The following SETD1A variants were observed in gnomAD, a reference collection of about 807,000 sequenced individuals.
SETD1A encodes the protein histone-lysine N-methyltransferase SETD1A.
Under a neutral mutation model 149.9 loss-of-function variants are expected in SETD1A, and 29 were observed. The observed-to-expected ratio is 0.19, with a 90% CI of 0.14 to 0.26. The LOEUF (loss-of-function observed/expected upper bound fraction) is 0.26. Among genes scored for constraint, SETD1A ranks in the 10% least tolerant of loss-of-function variants. SETD1A has a pLI of 1.00. For synonymous variants in SETD1A, 1,141 were observed against 968.5 expected (o/e 1.18, Z -3.31); for missense variants, 2,109 against 2,353.1 (o/e 0.90, Z 2.15).
Position 30,980,528 on chromosome 16 carries a change from T to C in SETD1A, c.4452T>C (p.Asp1484=), listed in dbSNP as rs1318090692. Reference sequence around the variant, plus strand: ...CAAAACGCAAGCGGCGGCCCCAGGATGGGCCCCGGGAGCACCAGACAGGCT... The same window carrying C: ...CAAAACGCAAGCGGCGGCCCCAGGACGGGCCCCGGGAGCACCAGACAGGCT... ...TTPKRKRRPQ[D]GPREHQTGSA... is the part of the protein sequence containing the mutation. The change falls in exon 15 of 19, where the codon GAT becomes GAC. Residue 1484 remains aspartate, a synonymous_variant. Transcript: ENST00000262519. The surrounding 1 kb of genome is among the most constrained non-coding windows in gnomAD (Gnocchi z 7.7). 1.2e-6 allele frequency: 2 copies of C among 1,614,120 alleles called. No individual in the cohort carries two copies. Among genetic ancestry groups the C allele is most frequent in the African/African-American group, 2.7e-5 (2 of 75,058 alleles).
In SETD1A at chr16:30,980,132, G is replaced by T; in HGVS notation, c.4346G>T (p.Arg1449Leu). The change falls in exon 14 of 19, where the codon CGG becomes CTG. Residue 1449 changes from arginine to leucine, a missense_variant. Around this residue, in one of 8 missense-constraint regions of SETD1A, gnomAD observed 254 missense variants for 409.3 expected, o/e 0.62. Transcript: ENST00000262519. The surrounding 1 kb of genome is among the most constrained non-coding windows in gnomAD (Gnocchi z 7.7). ...AGTTACCTGCGGCTTACGTACGAGC[G>T]GCTGCTGCAGCAGACAAGCGGGGCT... Reference protein sequence around the residue: ...DMSYLRLTYERLLQQTSGADW... With the variant: ...DMSYLRLTYELLLQQTSGADW... The T allele has an allele frequency of 1.9e-6, 3 of 1,611,804 alleles. No homozygotes were observed. Among genetic ancestry groups the T allele is most frequent in the South Asian group, 1.1e-5 (1 of 90,854 alleles).
In SETD1A at chr16:30,980,862, T is replaced by C; in HGVS notation, c.4692+13T>C. 3 of 485,732 alleles carry C rather than the reference T, an allele frequency of 6.2e-6. No homozygotes were observed. Among genetic ancestry groups the C allele is most frequent in the Non-Finnish European group, 1.0e-5 (3 of 294,438 alleles). 30.1% of individuals were successfully genotyped at this position (485,732 alleles called of 1,614,324 possible). A position where few individuals can be genotyped will look rare whatever the true frequency, so the allele number is the denominator to read the frequency against. ...CAACCAGCTCAAGGTGAGGCTGGGC[T>C]GCAGGAGGGGCTGGGTGGGGTGGGG... On this transcript the variant is annotated intron_variant, in intron 16 of 18. Coordinates refer to ENST00000262519, the MANE Select transcript of SETD1A (RefSeq NM_014712.3). This position sits in a 1 kb window ranked among gnomAD's most constrained non-coding sequence, Gnocchi z 7.7.
rs771009141 is a variant in SETD1A at position 30,971,481 on chromosome 16, C to T, written c.3120C>T (p.Ser1040=). ...TSDSESSSSS[S]SSSSSSSSSS... is the part of the protein sequence containing the mutation. ...ACTCCGAGAGCAGCAGCTCTTCCAGCTCCTCATCCTCCTCCTCCTCCTCGT... is the reference window on the plus strand; with the variant it reads ...ACTCCGAGAGCAGCAGCTCTTCCAGTTCCTCATCCTCCTCCTCCTCCTCGT... The change falls in exon 13 of 19, where the codon AGC becomes AGT. Residue 1040 remains serine, a synonymous_variant. Coordinates refer to ENST00000262519, the MANE Select transcript of SETD1A (RefSeq NM_014712.3). The T allele has an allele frequency of 4.3e-6, 7 of 1,614,016 alleles. No individual in the cohort carries two copies. The highest frequency in any genetic ancestry group is 5.9e-6 in the Non-Finnish European group (7 of 1,179,958).
Position 30,966,032 on chromosome 16 carries a change from G to A in SETD1A, c.2151G>A (p.Pro717=), listed in dbSNP as rs201096560. 1.5e-5 allele frequency: 24 copies of A among 1,562,790 alleles called. No homozygotes were observed. Among genetic ancestry groups the A allele is most frequent in the Non-Finnish European group, 1.8e-5 (21 of 1,154,606 alleles). The change falls in exon 8 of 19, where the codon CCG becomes CCA. Residue 717 remains proline, a synonymous_variant. Coordinates refer to ENST00000262519, the MANE Select transcript of SETD1A (RefSeq NM_014712.3). ...PGGAFGEAFL[P]FPPPQEAAYG... is the part of the protein sequence containing the mutation. The stretch of plus-strand genomic sequence containing the variant: ...GGGCCTTTGGGGAGGCCTTCCTCCC[G>A]TTTCCACCCCCGCAGGAGGCAGCCT...
rs1225071650 is a variant in SETD1A, at chr16:30,980,002, C to T, written c.4216C>T (p.Pro1406Ser). 6.7e-7 allele frequency: 1 copy of T among 1,484,382 alleles called. No individual in the cohort carries two copies. The highest frequency in any genetic ancestry group is 8.9e-7 in the Non-Finnish European group (1 of 1,122,260). The allele number at this position is 1,484,382 out of a possible 1,614,324, so 92.0% of individuals were successfully genotyped here. A position where few individuals can be genotyped will look rare whatever the true frequency, so the allele number is the denominator to read the frequency against. ...SHARRRRPPP[P>S]PPPPPPRAYE... The stretch of plus-strand genomic sequence containing the variant: ...CGCCCGGCGCCGCCGCCCTCCGCCC[C>T]CACCCCCGCCGCCACCGCCCCGCGC... Residue 1406 changes from proline to serine, a missense_variant, in exon 14 of 19, where the codon CCA (proline) becomes TCA (serine). Pro to Ser is a moderately conservative substitution (Grantham distance 74, BLOSUM62 -1). Coordinates refer to ENST00000262519, the MANE Select transcript of SETD1A (RefSeq NM_014712.3). This position sits in a 1 kb window ranked among gnomAD's most constrained non-coding sequence, Gnocchi z 7.7.
rs779287242 is a variant in SETD1A at position 30,969,476 on chromosome 16, C to T, written c.2928+14C>T. The T allele has an allele frequency of 2.4e-5, 38 of 1,602,986 alleles. No individual in the cohort carries two copies. The highest frequency in any genetic ancestry group is 4.5e-5 in the East Asian group (2 of 44,412). ...TCCTCGGAGAAGGTGAGGGCCCGGG[C>T]GCCGGCTCCTGGCCGAAGCCTACTT... On this transcript the variant is annotated intron_variant, in intron 11 of 18. Transcript: ENST00000262519.
Position 30,983,931 on chromosome 16 carries a change from G to C in SETD1A, c.5032G>C (p.Glu1678Gln), listed in dbSNP as rs779819286. 6.2e-7 allele frequency: 1 copy of C among 1,613,990 alleles called. No homozygotes were observed. The highest frequency in any genetic ancestry group is 8.5e-7 in the Non-Finnish European group (1 of 1,179,938). The change falls in exon 19 of 19, where the codon GAG (glutamate) becomes CAG (glutamine). Residue 1678 changes from glutamate (E) to glutamine (Q), a missense_variant. Glu to Gln is a conservative substitution (Grantham distance 29). This residue lies in a region of SETD1A where 254 missense variants were observed against 409.3 expected (regional missense o/e 0.62). Transcript: ENST00000262519. This position sits in a 1 kb window ranked among gnomAD's most constrained non-coding sequence, Gnocchi z 6.8. ...CTCCAAGCAGCCCATTGGCGTGGAC[G>C]AGGAGATCACCTACGACTACAAGTT... ...IYSKQPIGVD[E>Q]EITYDYKFPL...
Position 30,966,067 on chromosome 16 carries a change from C to A in SETD1A, c.2186C>A (p.Pro729Gln). The A allele has an allele frequency of 6.3e-7, 1 of 1,581,296 alleles. No homozygotes were observed. Among genetic ancestry groups the A allele is most frequent in the South Asian group, 1.2e-5 (1 of 86,194 alleles). The change falls in exon 8 of 19, where the codon CCG becomes CAG. Residue 729 changes from proline (P) to glutamine (Q), a missense_variant. Pro to Gln is a moderately conservative substitution (Grantham distance 76, BLOSUM62 -1). Transcript: ENST00000262519. Reference sequence around the variant, plus strand: ...CCGCAGGAGGCAGCCTACGGCTTGCCGTATGCTCTATATGCACAGGGGCAG... The same window carrying A: ...CCGCAGGAGGCAGCCTACGGCTTGCAGTATGCTCTATATGCACAGGGGCAG... ...PPPQEAAYGL[P>Q]YALYAQGQEG...
At position 30,966,898 on chromosome 16, in the gene SETD1A, G is replaced by A. The variant is rs201937143; in HGVS notation, c.2520G>A (p.Ala840=). 79 of 1,560,908 alleles carry A rather than the reference G, an allele frequency of 5.1e-5. No individual in the cohort carries two copies. The highest frequency in any genetic ancestry group is 2.4e-4 in the East Asian group (10 of 41,822). ...GCTGCCTGCAGCCATTCCAGAACGCGGCCAAGCAGCAAGCCAAGGAGGAGG... is the reference window on the plus strand; with the variant it reads ...GCTGCCTGCAGCCATTCCAGAACGCAGCCAAGCAGCAAGCCAAGGAGGAGG... ...KEEKAKPFQN[A]AKQQAKEEDK... Residue 840 remains alanine (A), a synonymous_variant, in exon 9 of 19, where the codon GCG becomes GCA. Coordinates refer to ENST00000262519, the MANE Select transcript of SETD1A (RefSeq NM_014712.3).
intron 12 of SETD1A, among the ~76,000 whole-genome samples, chr16:30,970,134 A>G (rs1205904434): frequency 1.3e-5 from 2 of 151,032 alleles, no homozygotes; most frequent in African/African-American, 4.9e-5. Context: ...CCCCCAGCTA[A>G]TTTTTTGTAT....
chr16:30,977,181 T>C (rs1216080083), intron 13 of SETD1A, among the ~76,000 whole-genome samples: 1 of 152,218 alleles, frequency 6.6e-6, no homozygotes, highest in Non-Finnish European at 1.5e-5. Flanking sequence ...CTTGACCTCA[T>C]GGTCCACCCG....
In SETD1A at chr16:30,968,768, T is replaced by C. The variant is rs368940229; in HGVS notation, c.2771-537T>C. Reference sequence around the variant, plus strand: ...GTGAGCTGAGATTGTGCCACTGCACTCCAGCCTGGCGACAAAGCGAGACTC... The same window carrying C: ...GTGAGCTGAGATTGTGCCACTGCACCCCAGCCTGGCGACAAAGCGAGACTC... On this transcript the variant is annotated intron_variant, in intron 10 of 18. Transcript: ENST00000262519. Among the ~76,000 whole-genome samples, 5 of 150,712 alleles carry C rather than the reference T, an allele frequency of 3.3e-5. No individual in the cohort carries two copies. In the East Asian group the frequency reaches 9.9e-4, roughly 30 times the overall value.
intron 17 of SETD1A, among the ~76,000 whole-genome samples, chr16:30,981,980 T>C (rs2056384673): frequency 6.6e-6 from 1 of 151,810 alleles, no homozygotes; most frequent in African/African-American, 2.4e-5. Context: ...AAGGATGGCA[T>C]TTGGTATTAA....
chr16:30,976,601 A>C (rs1192092402), intron 13 of SETD1A, among the ~76,000 whole-genome samples: 1 of 152,010 alleles, frequency 6.6e-6, no homozygotes. Context: ...AAACTGAAGG[A>C]TGGGAAGTTG....
At position 30,979,837 on chromosome 16, in the gene SETD1A, C is replaced by G; in HGVS notation, c.4051C>G (p.Pro1351Ala). ...VVVAEAEEPK[P>A]QQLQQQREEG... ...GGTGGCTGAGGCGGAGGAGCCCAAG[C>G]CGCAGCAACTGCAGCAGCAGCGGGA... The change falls in exon 14 of 19, where the codon CCG becomes GCG. Residue 1351 changes from proline (P) to alanine (A), a missense_variant. Physicochemically the swap from Pro to Ala is conservative, Grantham distance 27. Coordinates refer to ENST00000262519, the MANE Select transcript of SETD1A (RefSeq NM_014712.3). 3 of 1,550,716 alleles carry G rather than the reference C, an allele frequency of 1.9e-6. No homozygotes were observed. The highest frequency in any genetic ancestry group is 2.6e-6 in the Non-Finnish European group (3 of 1,154,622).
rs2056056383 is a variant in SETD1A at position 30,961,822 on chromosome 16, T to G, written c.517+285T>G. Among the ~76,000 whole-genome samples the G allele has an allele frequency of 4.0e-5, 6 of 151,872 alleles. No individual in the cohort carries two copies. The highest frequency in any genetic ancestry group is 3.9e-4 in the Admixed American group (6 of 15,252). ...GTTGTACTAGGTAAGATGAATAGAT[T>G]GTAGTAAATCAGCCCAGGTCAGGTT... On this transcript the variant is annotated intron_variant, in intron 4 of 18. Transcript: ENST00000262519. This position sits in a 1 kb window ranked among gnomAD's most constrained non-coding sequence, Gnocchi z 4.0.
chr16:30,971,529 ATCCTCTGAGTCC>A lies in SETD1A; in HGVS notation c.3177_3188del (p.Ser1060_Glu1063del). The A allele has an allele frequency of 9.9e-6, 16 of 1,613,304 alleles. No individual in the cohort carries two copies. Among genetic ancestry groups the A allele is most frequent in the Non-Finnish European group, 1.4e-5 (16 of 1,179,744 alleles). ...CGTCCTCATCCTCCTCGTCCTCTTCATCCTCTGAGTCCTCCTCTGAAGATGAAGAGGAAGAGG... is the reference window on the plus strand; with the variant it reads ...CGTCCTCATCCTCCTCGTCCTCTTCATCCTCTGAAGATGAAGAGGAAGAGG... On this transcript the variant is annotated inframe_deletion, in exon 13 of 19. Coordinates refer to ENST00000262519, the MANE Select transcript of SETD1A (RefSeq NM_014712.3).
intron 12 of SETD1A, among the ~76,000 whole-genome samples, chr16:30,970,186 C>A (rs1184056685): frequency 6.6e-6 from 1 of 151,494 alleles, no homozygotes; most frequent in Non-Finnish European, 1.5e-5. Context: ...CCAGACTGGT[C>A]TTGAACTCCT....
chr16:30,980,156 C>A lies in SETD1A; in HGVS notation c.4370C>A (p.Ala1457Asp), dbSNP rs1464706218. The change falls in exon 14 of 19, where the codon GCT becomes GAT. Residue 1457 changes from alanine to aspartate, a missense_variant. Physicochemically the swap from Ala to Asp is moderately radical, Grantham distance 126. Around this residue, in one of 8 missense-constraint regions of SETD1A, gnomAD observed 254 missense variants for 409.3 expected, o/e 0.62. Coordinates refer to ENST00000262519, the MANE Select transcript of SETD1A (RefSeq NM_014712.3). This position sits in a 1 kb window ranked among gnomAD's most constrained non-coding sequence, Gnocchi z 7.7. ...YERLLQQTSG[A>D]DWLNDTHWVH... ...CGGCTGCTGCAGCAGACAAGCGGGG[C>A]TGACTGGCTCAACGACACTCACTGG... 2.5e-6 allele frequency: 4 copies of A among 1,609,388 alleles called. No homozygotes were observed. Among genetic ancestry groups the A allele is most frequent in the Non-Finnish European group, 3.4e-6 (4 of 1,178,436 alleles).
Sources: allele counts gnomAD v4.1 joint callset (sites outside exome capture counted in the v4.1 genomes callset), GRCh38; gene constraint gnomAD v4.1.1; regional missense constraint gnomAD v4.1.1; non-coding constraint Gnocchi (gnomAD v3.1); transcripts MANE v1.5; gene names NCBI Gene and HGNC (gene_info 2026-07-23, HGNC 2026-07-21).